Variants in PFAS observed in about 807,000 individuals in gnomAD.
PFAS encodes FGAM synthase.
A neutral mutation model predicts 140.6 loss-of-function variants in PFAS; 97 were observed. That is an observed-to-expected ratio of 0.69 (90% confidence interval 0.59 to 0.82). PFAS has a LOEUF of 0.82. PFAS is among the 40% of genes least tolerant of loss of function. PFAS has a pLI of 0.00. For missense variants in PFAS, 1,656 were observed against 1,780.2 expected (o/e 0.93, Z 1.26); for synonymous variants, 679 against 718.8 (o/e 0.94, Z 0.88).
chr17:8,256,806 C>T, intron 8 of PFAS, 29 bp from the exon 9 acceptor site: 1 of 1,575,852 alleles, frequency 6.3e-7, no homozygotes, highest in Non-Finnish European at 8.6e-7. Flanking sequence ...TCTGAGGCAC[C>T]CAGACCTCTC....
In PFAS at chr17:8,263,591, G is replaced by C; in HGVS notation, c.1584G>C (p.Glu528Asp). ...TCTCACCAGGCAATGTCCTAAAAGA[G>C]CTGAGTGACCCAGCTGGAGCCATCA... ...GAGGNGNVLK[E>D]LSDPAGAIIY... Residue 528 changes from glutamate (E) to aspartate (D), a missense_variant, in exon 14 of 28, where the codon GAG (glutamate) becomes GAC (aspartate). Physicochemically the swap from Glu to Asp is conservative, Grantham distance 45 (BLOSUM62 2). Transcript: ENST00000314666. The C allele has an allele frequency of 6.2e-7, 1 of 1,614,090 alleles. No individual in the cohort carries two copies. The highest frequency in any genetic ancestry group is 8.5e-7 in the Non-Finnish European group (1 of 1,179,988).
At chr17:8,264,825 TGGG>T in intron 17 of PFAS, 67 bp from the exon 18 acceptor site, 5 of 1,168,124 alleles carry the variant, frequency 4.3e-6, no homozygotes, top group Non-Finnish European at 6.0e-6. Context: ...CTGAGTGCCT[TGGG>T]GGCATGTGCG....
chr17:8,263,329 G>A (rs111497250), intron 13 of PFAS, 64 bp downstream of exon 13: 35,028 of 1,566,544 alleles, frequency 0.022, 488 homozygotes, highest in Non-Finnish European at 0.026. Flanking sequence ...TTCGTTTAGG[G>A]AGAGGTATCA....
intron 3 of PFAS, among the ~76,000 whole-genome samples, 194 bp downstream of exon 3, chr17:8,254,495 G>A (rs549678430): frequency 1.3e-5 from 2 of 152,228 alleles, no homozygotes; most frequent in East Asian, 3.9e-4. Context: ...AAATAAATTA[G>A]ATTCCAAGTT....
chr17:8,269,103 T>C lies in PFAS; in HGVS notation c.3856T>C (p.Ser1286Pro), dbSNP rs1425587156. Residue 1286 changes from serine to proline, a missense_variant, in exon 28 of 28, where the codon TCC becomes CCC. Ser to Pro is a moderately conservative substitution (Grantham distance 74). Transcript: ENST00000314666. ...GSPGGVAGIC[S>P]CDGRHLAVMP... is the part of the protein sequence containing the mutation. Reference sequence around the variant, plus strand: ...CCCAGGGGGCGTGGCTGGCATCTGCTCCTGTGATGGCCGCCACCTGGCTGT... The same window carrying C: ...CCCAGGGGGCGTGGCTGGCATCTGCCCCTGTGATGGCCGCCACCTGGCTGT... 6.2e-7 allele frequency: 1 copy of C among 1,614,098 alleles called. No individual in the cohort carries two copies. The highest frequency in any genetic ancestry group is 8.5e-7 in the Non-Finnish European group (1 of 1,180,014).
rs1328477437 is a variant in PFAS, at chr17:8,266,238, C to T, written c.2706C>T (p.Arg902=). The T allele has an allele frequency of 1.2e-6, 2 of 1,614,020 alleles. No individual in the cohort carries two copies. Among genetic ancestry groups the T allele is most frequent in the East Asian group, 4.5e-5 (2 of 44,878 alleles). Residue 902 remains arginine (R), a synonymous_variant, in exon 22 of 28, where the codon CGC becomes CGT. Transcript: ENST00000314666. The surrounding 1 kb of genome is among the most constrained non-coding windows in gnomAD (Gnocchi z 5.0). ...GCTTTCTTCTCCTTCCTCCAGACCGCCTCCTCTGCTCAGGCCACGATGTCA... is the reference window on the plus strand; with the variant it reads ...GCTTTCTTCTCCTTCCTCCAGACCGTCTCCTCTGCTCAGGCCACGATGTCA... The part of the protein sequence containing the change: ...FSITQGLLKD[R]LLCSGHDVSD...
chr17:8,264,413 C>T lies in PFAS; in HGVS notation c.1918-57C>T, dbSNP rs567955304. 19 of 1,612,188 alleles carry T rather than the reference C, an allele frequency of 1.2e-5. 1 individual carries two copies. The South Asian group carries it at 2.1e-4, about 18-fold the overall frequency. ...CCTTTACCCTACGTGCACTTTGTCG[C>T]CTGTGTGCCCAGCCCGCCCCAGGTG... is the stretch of plus-strand genomic sequence containing the variant. On this transcript the variant is annotated intron_variant, in intron 16 of 27. Coordinates refer to ENST00000314666, the MANE Select transcript of PFAS (RefSeq NM_012393.3).
In PFAS at chr17:8,269,047, C is replaced by T. The variant is rs754094571; in HGVS notation, c.3800C>T (p.Thr1267Ile). Residue 1267 changes from threonine to isoleucine, a missense_variant, in exon 28 of 28, where the codon ACA becomes ATA. By Grantham distance (89) the Thr-to-Ile change is moderately conservative (BLOSUM62 -1). Coordinates refer to ENST00000314666, the MANE Select transcript of PFAS (RefSeq NM_012393.3). ...TGGGCTGATGATGACGGGAACCCCACAGAGCAGTACCCTCTGAATCCCAAT... is the reference window on the plus strand; with the variant it reads ...TGGGCTGATGATGACGGGAACCCCATAGAGCAGTACCCTCTGAATCCCAAT... Reference protein sequence around the residue: ...LHWADDDGNPTEQYPLNPNGS... With the variant: ...LHWADDDGNPIEQYPLNPNGS... The T allele has an allele frequency of 1.4e-5, 23 of 1,614,010 alleles. No individual in the cohort carries two copies. Among genetic ancestry groups the T allele is most frequent in the Non-Finnish European group, 1.9e-5 (22 of 1,179,956 alleles).
chr17:8,252,264 A>C (rs941982943), intron 1 of PFAS, among the ~76,000 whole-genome samples: 2 of 151,846 alleles, frequency 1.3e-5, no homozygotes, highest in African/African-American at 4.8e-5. Context: ...ACTGCACTCC[A>C]GCCTGGGTGA....
chr17:8,258,399 G>A (rs557178625), intron 11 of PFAS, among the ~76,000 whole-genome samples, 200 bp downstream of exon 11: 2 of 152,196 alleles, frequency 1.3e-5, no homozygotes, highest in East Asian at 1.9e-4. Context: ...TTCATAGACT[G>A]TACATACACA....
rs1214265961 is a variant in PFAS, at chr17:8,266,221, C to T, written c.2702-13C>T. ...GGTCCCGAGGTTGCTGAGCTTTCTTCTCCTTCCTCCAGACCGCCTCCTCTG... is the reference window on the plus strand; with the variant it reads ...GGTCCCGAGGTTGCTGAGCTTTCTTTTCCTTCCTCCAGACCGCCTCCTCTG... On this transcript the variant is annotated splice_polypyrimidine_tract_variant and intron_variant, in intron 21 of 27. Coordinates refer to ENST00000314666, the MANE Select transcript of PFAS (RefSeq NM_012393.3). The surrounding 1 kb of genome is among the most constrained non-coding windows in gnomAD (Gnocchi z 5.0). 3 of 1,613,480 alleles carry T rather than the reference C, an allele frequency of 1.9e-6. No individual in the cohort carries two copies. The highest frequency in any genetic ancestry group is 2.5e-6 in the Non-Finnish European group (3 of 1,179,674).
In PFAS at chr17:8,266,083, G is replaced by T; in HGVS notation, c.2701+66G>T. ...GGCGTGCAGCAGGCGTTCACCATCT[G>T]AGCAGTGGGGCAAAAGGGACTCCAA... On this transcript the variant is annotated intron_variant, in intron 21 of 27. Transcript: ENST00000314666. This position sits in a 1 kb window ranked among gnomAD's most constrained non-coding sequence, Gnocchi z 5.0. 6.5e-7 allele frequency: 1 copy of T among 1,538,110 alleles called. No homozygotes were observed. The highest frequency in any genetic ancestry group is 2.3e-5 in the East Asian group (1 of 44,304).
At position 8,267,678 on chromosome 17, in the gene PFAS, G is replaced by T; in HGVS notation, c.3382+13G>T. 7.1e-7 allele frequency: 1 copy of T among 1,418,210 alleles called. No homozygotes were observed. Among genetic ancestry groups the T allele is most frequent in the African/African-American group, 1.4e-5 (1 of 71,380 alleles). The allele number at this position is 1,418,210 out of a possible 1,614,324, so 87.9% of individuals were successfully genotyped here. ...GGCTCTGCCAAAGGTCAGTGTGCAG[G>T]CTTCTGCCCACTCCCTTCCCCCACA... is the stretch of plus-strand genomic sequence containing the variant. On this transcript the variant is annotated intron_variant, in intron 26 of 27. Coordinates refer to ENST00000314666, the MANE Select transcript of PFAS (RefSeq NM_012393.3). The surrounding 1 kb of genome is among the most constrained non-coding windows in gnomAD (Gnocchi z 4.9).
At position 8,264,590 on chromosome 17, in the gene PFAS, C is replaced by T; in HGVS notation, c.2038C>T (p.Leu680Phe). 1.2e-6 allele frequency: 2 copies of T among 1,612,462 alleles called. No individual in the cohort carries two copies. Residue 680 changes from leucine to phenylalanine, a missense_variant, in exon 17 of 28, where the codon CTC becomes TTC. Transcript: ENST00000314666. ...RLPAVASKRYLTNKVDRSVGG... is the reference protein window; with the variant it reads ...RLPAVASKRYFTNKVDRSVGG... ...GCCCGCCGTGGCCAGCAAGCGCTAC[C>T]TCACCAATAAGGTCCTCCCTGCACC...
intron 11 of PFAS, among the ~76,000 whole-genome samples, chr17:8,262,295 C>G (rs1049938748): frequency 6.6e-6 from 1 of 152,074 alleles, no homozygotes; most frequent in Non-Finnish European, 1.5e-5. Flanking sequence ...TAGGTTATTT[C>G]ATGTACTTGC....
rs954450272 is a variant in PFAS, at chr17:8,255,236, C to T, written c.384+104C>T. The T allele has an allele frequency of 1.5e-5, 13 of 855,252 alleles. No homozygotes were observed. In the South Asian group the frequency reaches 2.0e-4, roughly 13 times the overall value. The allele number at this position is 855,252 out of a possible 1,614,324, so 53.0% of individuals were successfully genotyped here. A position where few individuals can be genotyped will look rare whatever the true frequency, so the allele number is the denominator to read the frequency against. On this transcript the variant is annotated intron_variant, in intron 4 of 27. Transcript: ENST00000314666. ...ACAGGTGCTCCTGGCTTTAGGCCTG[C>T]TCTGTATGGTCGTACAAGTTGTTCA...
rs1364072472 is a variant in PFAS, at chr17:8,268,953, G to A, written c.3707-1G>A. The A allele has an allele frequency of 6.2e-7, 1 of 1,614,134 alleles. No homozygotes were observed. Among genetic ancestry groups the A allele is most frequent in the Non-Finnish European group, 8.5e-7 (1 of 1,179,992 alleles). On this transcript the variant is annotated splice_acceptor_variant, in intron 27 of 27. Transcript: ENST00000314666. LOFTEE classifies it high-confidence loss of function. ...TCACTTCCCTCCTCCTTCCATCCCA[G>A]GTTACGTAGCATTTTCTTCTCCGGA...
chr17:8,267,315 G>A lies in PFAS; in HGVS notation c.3176-57G>A. On this transcript the variant is annotated intron_variant, in intron 24 of 27. Coordinates refer to ENST00000314666, the MANE Select transcript of PFAS (RefSeq NM_012393.3). The surrounding 1 kb of genome is among the most constrained non-coding windows in gnomAD (Gnocchi z 4.9). ...TGGGCCTGCCCTCAGAAAGGTGTCT[G>A]GGGAGTTGGGGTGGGGAAGTGACTT... 1 of 1,592,536 alleles carries A rather than the reference G, an allele frequency of 6.3e-7. No individual in the cohort carries two copies.
Position 8,265,951 on chromosome 17 carries a change from C to G in PFAS, c.2635C>G (p.Pro879Ala). The change falls in exon 21 of 28, where the codon CCT becomes GCT. Residue 879 changes from proline to alanine, a missense_variant. This residue lies in a region of PFAS where 883 missense variants were observed against 1,023.0 expected (regional missense o/e 0.86). Coordinates refer to ENST00000314666, the MANE Select transcript of PFAS (RefSeq NM_012393.3). The stretch of plus-strand genomic sequence containing the variant: ...GTGCTTCTCCCAGCTTGGGGAACAC[C>G]CTCCAGACCTGGACCTTCCTGAGAA... ...AQCFSQLGEH[P>A]PDLDLPENLV... The G allele has an allele frequency of 1.2e-6, 2 of 1,613,762 alleles. No individual in the cohort carries two copies. The highest frequency in any genetic ancestry group is 1.7e-6 in the Non-Finnish European group (2 of 1,179,778).
Sources: gnomAD v4.1 joint callset for allele counts (sites outside exome capture counted in the v4.1 genomes callset) on GRCh38, gnomAD v4.1.1 for gene constraint, gnomAD v4.1.1 regional missense constraint, Gnocchi (gnomAD v3.1) non-coding constraint, MANE v1.5 for transcripts, NCBI Gene and HGNC (gene_info 2026-07-23, HGNC 2026-07-21) for gene names.